The following XKR9 variants were observed in gnomAD, a reference collection of about 807,000 sequenced individuals.
XKR9 encodes the protein XK-related protein 9.
In XKR9, 32 loss-of-function variants were observed where a neutral mutation model predicts 32.0. The ratio of observed to expected loss-of-function variants is 1.00; its 90% confidence interval spans 0.76 to 1.34. The LOEUF (loss-of-function observed/expected upper bound fraction) is 1.34, where lower values mean the gene tolerates loss of function less well. Ranked by LOEUF, XKR9 falls within the 40% of genes most tolerant of loss-of-function variation. The pLI is 0.00. For missense variants in XKR9, 546 were observed against 429.7 expected (o/e 1.27, Z -2.39); for synonymous variants, 168 against 143.4 (o/e 1.17, Z -1.22).
At chr8:70,741,498 G>T (rs1317070839) in intron 2 of XKR9, among the ~76,000 whole-genome samples, 1 of 152,196 alleles carries the variant, frequency 6.6e-6, no homozygotes, top group East Asian at 1.9e-4. Flanking sequence ...TATTGTATTT[G>T]TCTTTTGTTA....
chr8:70,932,594 A>G, the XKR9 span, among the ~76,000 whole-genome samples: 1 of 152,190 alleles, frequency 6.6e-6, no homozygotes, highest in Admixed American at 6.6e-5. Flanking sequence ...ACAAAATACT[A>G]CAGGTTGGGT....
chr8:70,898,939 G>A, the XKR9 span, among the ~76,000 whole-genome samples: 1 of 152,020 alleles, frequency 6.6e-6, no homozygotes, highest in Admixed American at 6.6e-5. Flanking sequence ...TTGAGACAGG[G>A]TCTTGTTCTG....
the XKR9 span, among the ~76,000 whole-genome samples, chr8:70,977,844 CT>C: frequency 2.6e-5 from 4 of 152,286 alleles, no homozygotes; most frequent in South Asian, 8.3e-4. Flanking sequence ...TTGTTAAAGT[CT>C]CCCATTTTTA....
At chr8:70,739,818 A>G (rs1470306317), downstream of XKR9, among the ~76,000 whole-genome samples, 2 of 152,108 alleles carry the variant, frequency 1.3e-5, no homozygotes, top group Non-Finnish European at 1.5e-5. Flanking sequence ...TGGCTTGTAG[A>G]GTTTCTGCCG....
intron 2 of XKR9, among the ~76,000 whole-genome samples, chr8:70,755,408 G>A (rs375364183): frequency 6.6e-6 from 1 of 152,146 alleles, no homozygotes; most frequent in East Asian, 1.9e-4. Context: ...CTCATTACTG[G>A]GTATATACCC....
At chr8:70,832,695 G>T in the XKR9 span, among the ~76,000 whole-genome samples, 1 of 152,150 alleles carries the variant, frequency 6.6e-6, no homozygotes, top group East Asian at 1.9e-4. Context: ...AAACAACCCT[G>T]CCAGTAAGGG....
chr8:70,734,565 G>T lies in XKR9; in HGVS notation c.*141G>T. 1 of 1,095,278 alleles carries T rather than the reference G, an allele frequency of 9.1e-7. No homozygotes were observed. The highest frequency in any genetic ancestry group is 1.2e-6 in the Non-Finnish European group (1 of 853,884). The allele number at this position is 1,095,278 out of a possible 1,614,324, so 67.8% of individuals were successfully genotyped here. A position where few individuals can be genotyped will look rare whatever the true frequency, so the allele number is the denominator to read the frequency against. ...TCAGTGAAATAGGAGATACATAGTA[G>T]TATTTTATTTTTAAAATTAATTTCT... On this transcript the variant is annotated 3_prime_UTR_variant, in exon 5 of 5. Coordinates refer to ENST00000408926, the MANE Select transcript of XKR9 (RefSeq NM_001011720.2).
At chr8:70,807,358 G>A in the XKR9 span, among the ~76,000 whole-genome samples, 159 of 152,244 alleles carry the variant, frequency 1.0e-3, 1 homozygote, top group Middle Eastern at 6.8e-3. Context: ...GCACCAACAA[G>A]TGTGCAAAAT....
At chr8:70,862,168 A>G in the XKR9 span, among the ~76,000 whole-genome samples, 1 of 152,186 alleles carries the variant, frequency 6.6e-6, no homozygotes, top group African/African-American at 2.4e-5. Context: ...AGAGCCCTGG[A>G]GAACAAAGTC....
chr8:70,691,518 T>C (rs1805070448), intron 3 of XKR9, among the ~76,000 whole-genome samples: 1 of 152,208 alleles, frequency 6.6e-6, no homozygotes, highest in South Asian at 2.1e-4. Flanking sequence ...TTGCCTAGGT[T>C]GTCTTTCAGA....
At chr8:70,741,939 A>G (rs1806991822) in intron 2 of XKR9, among the ~76,000 whole-genome samples, 1 of 149,942 alleles carries the variant, frequency 6.7e-6, no homozygotes, top group South Asian at 2.1e-4. Context: ...GTTTCTCTAT[A>G]TCCTCACCAA....
At chr8:70,892,136 A>C in the XKR9 span, among the ~76,000 whole-genome samples, 8 of 151,994 alleles carry the variant, frequency 5.3e-5, no homozygotes, top group African/African-American at 1.9e-4. Flanking sequence ...CTTTCAGTCT[A>C]TATGTGTCTT....
chr8:70,980,373 G>C, the XKR9 span, among the ~76,000 whole-genome samples: 12 of 152,232 alleles, frequency 7.9e-5, no homozygotes, highest in Non-Finnish European at 1.8e-4. Context: ...GACTGGAGCT[G>C]TTCCTATTCG....
intron 4 of XKR9, among the ~76,000 whole-genome samples, chr8:70,719,300 T>G (rs1258546109): frequency 6.6e-6 from 1 of 152,184 alleles, no homozygotes; most frequent in East Asian, 1.9e-4. Context: ...CAGAGCCTCT[T>G]TAGTTTAATT....
At chr8:70,732,879 A>G (rs1806718938) in intron 4 of XKR9, among the ~76,000 whole-genome samples, 1 of 152,178 alleles carries the variant, frequency 6.6e-6, no homozygotes, top group African/African-American at 2.4e-5. Flanking sequence ...GCCCTTTGGG[A>G]GGCTGAGCTG....
the XKR9 span, among the ~76,000 whole-genome samples, chr8:70,825,742 G>A: frequency 1.3e-5 from 2 of 152,006 alleles, no homozygotes; most frequent in Non-Finnish European, 2.9e-5. Flanking sequence ...TAATAGATAA[G>A]CCATGGGGAA....
chr8:70,818,709 A>C, the XKR9 span, among the ~76,000 whole-genome samples: 2 of 152,106 alleles, frequency 1.3e-5, no homozygotes, highest in South Asian at 4.1e-4. Context: ...GTTTGTGCTA[A>C]ATTGGTATAG....
intron 2 of XKR9, among the ~76,000 whole-genome samples, chr8:70,750,559 A>T (rs369274020): frequency 6.6e-6 from 1 of 152,140 alleles, no homozygotes; most frequent in Admixed American, 6.5e-5. Flanking sequence ...AGGTAAAATA[A>T]CTTTTTTTTC....
intron 4 of XKR9, among the ~76,000 whole-genome samples, 160 bp from the exon 5 acceptor site, chr8:70,733,636 C>T (rs11987511): frequency 0.4 from 61,227 of 151,822 alleles, 13,872 homozygotes; most frequent in Non-Finnish European, 0.52. Flanking sequence ...CTCAGTTCCC[C>T]CATACATAAT....
Sources: allele counts gnomAD v4.1 joint callset (sites outside exome capture counted in the v4.1 genomes callset), GRCh38; gene constraint gnomAD v4.1.1; transcripts MANE v1.5; gene names NCBI Gene and HGNC (gene_info 2026-07-23, HGNC 2026-07-21).